The following LRP11 variants were observed in gnomAD, a reference collection of about 807,000 sequenced individuals.
LRP11 encodes the protein low-density lipoprotein receptor-related protein 11.
Under a neutral mutation model 43.1 loss-of-function variants are expected in LRP11, and 25 were observed. That is an observed-to-expected ratio of 0.58 (90% confidence interval 0.42 to 0.81). The LOEUF is 0.81. Ranked by LOEUF, LRP11 falls within the 30% of genes least tolerant of loss-of-function variation. The probability of loss-of-function intolerance (pLI) is 0.00; values close to 1 mark genes in which losing one functional copy is unlikely to be tolerated. For missense variants in LRP11, 623 were observed against 665.1 expected, an observed-to-expected ratio of 0.94 and a Z score of 0.70; for synonymous variants, 316 against 299.4, an observed-to-expected ratio of 1.06 and a Z score of -0.57.
At chr6:149,848,361 C>G (rs1039948536) in intron 2 of LRP11, among the ~76,000 whole-genome samples, 2 of 152,048 alleles carry the variant, frequency 1.3e-5, no homozygotes, top group African/African-American at 4.8e-5. Flanking sequence ...ATCATTTGAC[C>G]CAGCAATCCC....
rs1776244830 is a variant in LRP11 at position 149,818,995 on chromosome 6, A to C, written c.*1554T>G. 6.6e-6 allele frequency: 1 copy of C among 152,652 alleles called. No individual in the cohort carries two copies. Among genetic ancestry groups the C allele is most frequent in the African/African-American group, 2.4e-5 (1 of 41,470 alleles). 9.5% of individuals were successfully genotyped at this position (152,652 alleles called of 1,614,324 possible). On this transcript the variant is annotated 3_prime_UTR_variant, in exon 7 of 7. Transcript: ENST00000239367. ...TCCATATAAAAACAAACTGCACAGCATCACATATAGAGTACAGACATCTTA... is the reference window on the plus strand; with the variant it reads ...TCCATATAAAAACAAACTGCACAGCCTCACATATAGAGTACAGACATCTTA...
At position 149,820,287 on chromosome 6, in the gene LRP11, A is replaced by G. The variant is rs1236963299; in HGVS notation, c.*262T>C. On this transcript the variant is annotated 3_prime_UTR_variant, in exon 7 of 7. Coordinates refer to ENST00000239367, the MANE Select transcript of LRP11 (RefSeq NM_032832.6). ...GCTGAATTTTCTCTCAGCTAAGTAC[A>G]CATTTCTATTTTCAGGGACAGCTTA... 1 of 305,482 alleles carries G rather than the reference A, an allele frequency of 3.3e-6. No individual in the cohort carries two copies. Among genetic ancestry groups the G allele is most frequent in the African/African-American group, 2.2e-5 (1 of 44,936 alleles). The allele number at this position is 305,482 out of a possible 1,614,324, so 18.9% of individuals were successfully genotyped here.
intron 2 of LRP11, among the ~76,000 whole-genome samples, chr6:149,852,142 C>T (rs1002380051): frequency 3.3e-5 from 5 of 152,152 alleles, no homozygotes; most frequent in African/African-American, 1.2e-4. Context: ...GCAAACCATA[C>T]TGGACGAGGG....
intron 4 of LRP11, among the ~76,000 whole-genome samples, 177 bp from the exon 5 acceptor site, chr6:149,836,474 GTTCT>G (rs1448640569): frequency 6.6e-6 from 1 of 152,184 alleles, no homozygotes; most frequent in Non-Finnish European, 1.5e-5. Flanking sequence ...TGGGTAATCT[GTTCT>G]TTCTTCTTCC....
chr6:149,863,309 A>G, intron 1 of LRP11, 99 bp downstream of exon 1: 1 of 1,280,346 alleles, frequency 7.8e-7, no homozygotes, highest in Non-Finnish European at 9.9e-7. Context: ...GCCCGCGGCT[A>G]AAATAACTTG....
Position 149,843,009 on chromosome 6 carries a change from ACT to A in LRP11, c.885_886del (p.Val296AlafsTer22). On this transcript the variant is annotated frameshift_variant, in exon 3 of 7. Coordinates refer to ENST00000239367, the MANE Select transcript of LRP11 (RefSeq NM_032832.6). ...TCCTGTGGAGTAGGCTGCGCGAAGC[ACT>A]GTCACTGACACGTTGTCAGAGCTTC... The A allele has an allele frequency of 6.2e-7, 1 of 1,614,186 alleles. No individual in the cohort carries two copies. Among genetic ancestry groups the A allele is most frequent in the Non-Finnish European group, 8.5e-7 (1 of 1,180,010 alleles).
intron 1 of LRP11, among the ~76,000 whole-genome samples, chr6:149,858,087 A>G (rs9371207): frequency 0.33 from 50,223 of 152,094 alleles, 9,686 homozygotes; most frequent in East Asian, 0.82. Flanking sequence ...GTTCTAAGGT[A>G]CATGTGCACA....
At chr6:149,853,610 C>T (rs1217924526) in intron 1 of LRP11, among the ~76,000 whole-genome samples, 3 of 152,196 alleles carry the variant, frequency 2.0e-5, no homozygotes, top group Admixed American at 6.5e-5. Flanking sequence ...CGGGTTCAAG[C>T]GGTTCTTCTG....
intron 5 of LRP11, 99 bp from the exon 6 acceptor site, chr6:149,826,458 TAGAG>T (rs1583076066): frequency 1.0e-5 from 8 of 781,338 alleles, no homozygotes; most frequent in Admixed American, 9.5e-5. Flanking sequence ...AAGATGGACT[TAGAG>T]AAGAACTGTT....
intron 5 of LRP11, among the ~76,000 whole-genome samples, chr6:149,834,773 T>C (rs1220486553): frequency 1.3e-5 from 2 of 152,036 alleles, no homozygotes; most frequent in Non-Finnish European, 2.9e-5. Flanking sequence ...TAACCAAAAC[T>C]CAGAAAGAAA....
intron 2 of LRP11, among the ~76,000 whole-genome samples, chr6:149,847,864 CACACACACACACACAT>C (rs1280178131): frequency 5.0e-5 from 7 of 140,144 alleles, no homozygotes; most frequent in African/African-American, 2.0e-4. Context: ...CACACACACA[CACACACACACACACAT>C]TGTATATACT....
At chr6:149,830,007 CTTT>C (rs59467230) in intron 5 of LRP11, among the ~76,000 whole-genome samples, 14 of 127,442 alleles carry the variant, frequency 1.1e-4, no homozygotes, top group Middle Eastern at 4.2e-3. Flanking sequence ...TTATTATCCT[CTTT>C]TTTTTTTTTT....
intron 1 of LRP11, among the ~76,000 whole-genome samples, chr6:149,858,203 A>AC (rs1301853999): frequency 6.6e-6 from 1 of 151,284 alleles, no homozygotes; most frequent in African/African-American, 2.4e-5. Flanking sequence ...CCTTCCCTTG[A>AC]CCCCCACCCC....
intron 2 of LRP11, 140 bp downstream of exon 2, chr6:149,852,863 G>T: frequency 1.7e-6 from 1 of 603,180 alleles, no homozygotes; most frequent in Non-Finnish European, 2.6e-6. Flanking sequence ...AAACCATTTT[G>T]GCATAATCAG....
chr6:149,844,123 T>G lies in LRP11; in HGVS notation c.772-999A>C, dbSNP rs188953818. ...CAAAAATCAGCTGGGCATGGTGGCG[T>G]GCGCCTGTAGTCCCAGGTACTCGGG... On this transcript the variant is annotated intron_variant, in intron 2 of 6. Transcript: ENST00000239367. Among the ~76,000 whole-genome samples, 412 of 151,892 alleles carry G rather than the reference T, an allele frequency of 2.7e-3. 4 individuals are homozygous for G. Among genetic ancestry groups the G allele is most frequent in the African/African-American group, 9.3e-3 (385 of 41,424 alleles).
In LRP11 at chr6:149,863,530, T is replaced by C. The variant is rs1260332710; in HGVS notation, c.491A>G (p.Asn164Ser). ...GACGTTGCGGCCGCGCGCCGTGCAG[T>C]TGAAGAGGTAGCAGCCGAGCACGGC... ...PAAVLGCYLF[N>S]CTARGRNVCK... Residue 164 changes from asparagine (N) to serine (S), a missense_variant, in exon 1 of 7, where the codon AAC (asparagine) becomes AGC (serine). Coordinates refer to ENST00000239367, the MANE Select transcript of LRP11 (RefSeq NM_032832.6). 9.6e-6 allele frequency: 13 copies of C among 1,357,724 alleles called. No individual in the cohort carries two copies. The highest frequency in any genetic ancestry group is 5.4e-5 in the South Asian group (3 of 55,126). The allele number at this position is 1,357,724 out of a possible 1,614,324, so 84.1% of individuals were successfully genotyped here.
At chr6:149,858,358 T>C (rs1776834481) in intron 1 of LRP11, among the ~76,000 whole-genome samples, 1 of 152,208 alleles carries the variant, frequency 6.6e-6, no homozygotes, top group South Asian at 2.1e-4. Context: ...CCCATGTCCC[T>C]GCAAAGGACA....
chr6:149,836,154 A>G lies in LRP11; in HGVS notation c.1183T>C (p.Ser395Pro). 1 of 1,614,056 alleles carries G rather than the reference A, an allele frequency of 6.2e-7. No homozygotes were observed. The highest frequency in any genetic ancestry group is 8.5e-7 in the Non-Finnish European group (1 of 1,180,020). The change falls in exon 5 of 7, where the codon TCA (serine) becomes CCA (proline). Residue 395 changes from serine (S) to proline (P), a missense_variant. Transcript: ENST00000239367. ...GAATGATTCCTCTTCTCTGTGTTTG[A>G]TAATGCAGGTGGCTTGTTTGGGGCA... is the stretch of plus-strand genomic sequence containing the variant. ...ATAPNKPPAL[S>P]NTEKRNHSAF...
rs1776992989 is a variant in LRP11, at chr6:149,864,023, C to A, written c.-3G>T. On this transcript the variant is annotated 5_prime_UTR_variant, in exon 1 of 7. Coordinates refer to ENST00000239367, the MANE Select transcript of LRP11 (RefSeq NM_032832.6). ...CTCTCCTGGGCGACGGAGGCCATGG[C>A]GACGAGAGCCAAGGGCAGCGAGCCG... The A allele has an allele frequency of 7.5e-7, 1 of 1,333,540 alleles. No homozygotes were observed. Among genetic ancestry groups the A allele is most frequent in the South Asian group, 2.0e-5 (1 of 50,098 alleles). The allele number at this position is 1,333,540 out of a possible 1,614,324, so 82.6% of individuals were successfully genotyped here.
Sources: gnomAD v4.1 joint callset for allele counts (sites outside exome capture counted in the v4.1 genomes callset) on GRCh38, gnomAD v4.1.1 for gene constraint, MANE v1.5 for transcripts, NCBI Gene and HGNC (gene_info 2026-07-23, HGNC 2026-07-21) for gene names.